PLEKHH3: variants seen among roughly 807,000 people sequenced by gnomAD.
PLEKHH3 encodes the protein pleckstrin homology, MyTH4 and FERM domain containing H3.
Under a neutral mutation model 77.8 loss-of-function variants are expected in PLEKHH3, and 57 were observed. That is an observed-to-expected ratio of 0.73 (90% CI 0.59 to 0.91). The LOEUF is 0.91. PLEKHH3 is among the 40% of genes least tolerant of loss of function. PLEKHH3 has a pLI of 0.00. For synonymous variants in PLEKHH3, 467 were observed against 504.8 expected (o/e 0.93, Z 1.00); for missense variants, 1,082 against 1,091.2 (o/e 0.99, Z 0.12).
intron 12 of PLEKHH3, chr17:42,669,222 C>CT (rs368522535): frequency 6.0e-4 from 275 of 461,584 alleles, no homozygotes; most frequent in African/African-American, 5.0e-3. Flanking sequence ...TCACTCTTTC[C>CT]TTTGTAGCAT....
At position 42,673,200 on chromosome 17, in the gene PLEKHH3, G is replaced by A. The variant is rs748035755; in HGVS notation, c.745C>T (p.Leu249=). The change falls in exon 6 of 13, where the codon CTG becomes TTG. Residue 249 remains leucine, a synonymous_variant. Transcript: ENST00000591022. ...SGALYAPLLP[L]PYGVSAPGPG... ...CCTGGGGCGCTGACTCCATAGGGCA[G>A]GGGCAGGAGTGGGGCATACAAGGCT... 4 of 1,545,860 alleles carry A rather than the reference G, an allele frequency of 2.6e-6. No homozygotes were observed. The highest frequency in any genetic ancestry group is 1.2e-5 in the South Asian group (1 of 81,428).
In PLEKHH3 at chr17:42,672,195, C is replaced by A; in HGVS notation, c.967G>T (p.Ala323Ser). The A allele has an allele frequency of 6.4e-7, 1 of 1,551,108 alleles. No homozygotes were observed. Among genetic ancestry groups the A allele is most frequent in the Non-Finnish European group, 8.7e-7 (1 of 1,147,068 alleles). ...SGPAGPPGLP[A>S]TQDPAALRYW... is the part of the protein sequence containing the mutation. ...CGCAGGGCCGCAGGGTCTTGGGTAG[C>A]CGGGAGCCCGGGGGGACCTGCAGGG... Residue 323 changes from alanine (A) to serine (S), a missense_variant, in exon 7 of 13, where the codon GCT (alanine) becomes TCT (serine). Physicochemically the swap from Ala to Ser is moderately conservative, Grantham distance 99. Coordinates refer to ENST00000591022, the MANE Select transcript of PLEKHH3 (RefSeq NM_024927.5).
chr17:42,670,185 A>T lies in PLEKHH3; in HGVS notation c.1746T>A (p.Pro582=). The part of the protein sequence containing the change: ...DPPRPTPRPP[P]SAALLAGALW... Reference sequence around the variant, plus strand: ...GCGCCCCGGCCAGCAGGGCAGCGGAAGGGGGCGGCCTGGGGGTCGGGCGGG... The same window carrying T: ...GCGCCCCGGCCAGCAGGGCAGCGGATGGGGGCGGCCTGGGGGTCGGGCGGG... Residue 582 remains proline, a synonymous_variant, in exon 11 of 13, where the codon CCT becomes CCA. Transcript: ENST00000591022. 1 of 1,166,826 alleles carries T rather than the reference A, an allele frequency of 8.6e-7. No homozygotes were observed. The highest frequency in any genetic ancestry group is 1.1e-6 in the Non-Finnish European group (1 of 950,424). 72.3% of individuals were successfully genotyped at this position (1,166,826 alleles called of 1,614,324 possible). A position where few individuals can be genotyped will look rare whatever the true frequency, so the allele number is the denominator to read the frequency against.
In PLEKHH3 at chr17:42,672,179, G is replaced by T. The variant is rs1389815857; in HGVS notation, c.983C>A (p.Ala328Glu). ...GAGGAGTTGCCAGTACCGCAGGGCC[G>T]CAGGGTCTTGGGTAGCCGGGAGCCC... ...PPGLPATQDP[A>E]ALRYWQLLTC... is the part of the protein sequence containing the mutation. Residue 328 changes from alanine (A) to glutamate (E), a missense_variant, in exon 7 of 13, where the codon GCG becomes GAG. Physicochemically the swap from Ala to Glu is moderately radical, Grantham distance 107. Coordinates refer to ENST00000591022, the MANE Select transcript of PLEKHH3 (RefSeq NM_024927.5). The T allele has an allele frequency of 1.3e-6, 2 of 1,550,558 alleles. No individual in the cohort carries two copies. The highest frequency in any genetic ancestry group is 2.4e-5 in the South Asian group (2 of 84,024).
chr17:42,671,107 C>A lies in PLEKHH3; in HGVS notation c.1308G>T (p.Arg436=). The change falls in exon 9 of 13, where the codon CGG becomes CGT. Residue 436 remains arginine, a synonymous_variant. Coordinates refer to ENST00000591022, the MANE Select transcript of PLEKHH3 (RefSeq NM_024927.5). This position sits in a 1 kb window ranked among gnomAD's most constrained non-coding sequence, Gnocchi z 4.7. ...AGEVARELVG[R]LGLARSRNAF... The stretch of plus-strand genomic sequence containing the variant: ...CGTTGCGGCTCCGGGCCAAGCCCAG[C>A]CGCCCCACCAGCTCTCGAGCCACCT... The A allele has an allele frequency of 6.3e-7, 1 of 1,593,182 alleles. No individual in the cohort carries two copies. The highest frequency in any genetic ancestry group is 8.6e-7 in the Non-Finnish European group (1 of 1,168,496).
Position 42,674,245 on chromosome 17 carries a change from G to A in PLEKHH3, c.218+109C>T, listed in dbSNP as rs2052772217. On this transcript the variant is annotated intron_variant, in intron 2 of 12. Coordinates refer to ENST00000591022, the MANE Select transcript of PLEKHH3 (RefSeq NM_024927.5). ...GGACCCCAGCCAAACCACAGCGTCC[G>A]GCATAGGGCCTCTCCCTTATTGCAC... 1.5e-5 allele frequency: 20 copies of A among 1,336,136 alleles called. No individual in the cohort carries two copies. In the South Asian group the frequency reaches 2.2e-4, roughly 15 times the overall value. The allele number at this position is 1,336,136 out of a possible 1,614,324, so 82.8% of individuals were successfully genotyped here. A position where few individuals can be genotyped will look rare whatever the true frequency, so the allele number is the denominator to read the frequency against.
intron 11 of PLEKHH3, 26 bp downstream of exon 11, chr17:42,669,892 G>A: frequency 1.2e-6 from 2 of 1,612,222 alleles, no homozygotes; most frequent in Non-Finnish European, 1.7e-6. Flanking sequence ...GGCCGCCAGA[G>A]TCCCCTTCTC....
Position 42,670,838 on chromosome 17 carries a change from C to T in PLEKHH3, c.1422-133G>A, listed in dbSNP as rs977177847. ...CCGACAGCGGAGGTGATGCTGCAGT[C>T]GGACTGCAAACCTGCGGCGGGCAGG... On this transcript the variant is annotated intron_variant, in intron 9 of 12. Transcript: ENST00000591022. 62 of 1,519,776 alleles carry T rather than the reference C, an allele frequency of 4.1e-5. No individual in the cohort carries two copies. In the Admixed American group the frequency reaches 5.3e-4, roughly 13 times the overall value. The allele number at this position is 1,519,776 out of a possible 1,614,324, so 94.1% of individuals were successfully genotyped here.
chr17:42,676,231 T>C lies in PLEKHH3; in HGVS notation c.162+171A>G. On this transcript the variant is annotated intron_variant, in intron 1 of 12. Coordinates refer to ENST00000591022, the MANE Select transcript of PLEKHH3 (RefSeq NM_024927.5). The surrounding 1 kb of genome is among the most constrained non-coding windows in gnomAD (Gnocchi z 6.6). ...GGGAGGCCCACAGGCACATCCCGAG[T>C]AGGGCTGCTGCTCCGAGAGCTCCCG... 7.2e-7 allele frequency: 1 copy of C among 1,388,440 alleles called. No homozygotes were observed. The allele number at this position is 1,388,440 out of a possible 1,614,324, so 86.0% of individuals were successfully genotyped here. A position where few individuals can be genotyped will look rare whatever the true frequency, so the allele number is the denominator to read the frequency against.
At chr17:42,675,444 C>A (rs895893526) in intron 1 of PLEKHH3, among the ~76,000 whole-genome samples, 3 of 152,184 alleles carry the variant, frequency 2.0e-5, no homozygotes, top group Non-Finnish European at 4.4e-5. Flanking sequence ...GTCAGCCACA[C>A]CACATGTGGC....
At position 42,669,358 on chromosome 17, in the gene PLEKHH3, T is replaced by C. The variant is rs113590579; in HGVS notation, c.2205+72A>G. The C allele has an allele frequency of 4.9e-6, 7 of 1,421,160 alleles. No individual in the cohort carries two copies. The Admixed American group carries it at 1.7e-4, about 34-fold the overall frequency. The allele number at this position is 1,421,160 out of a possible 1,614,324, so 88.0% of individuals were successfully genotyped here. The stretch of plus-strand genomic sequence containing the variant: ...GCTTAGAGCTCTACCTGGCCCAGGT[T>C]TGGTGTTCTGTAAATGCTTCCTGAC... On this transcript the variant is annotated intron_variant, in intron 12 of 12. Coordinates refer to ENST00000591022, the MANE Select transcript of PLEKHH3 (RefSeq NM_024927.5).
Position 42,671,948 on chromosome 17 carries a change from G to T in PLEKHH3, c.1076+138C>A. On this transcript the variant is annotated intron_variant, in intron 7 of 12. Transcript: ENST00000591022. The surrounding 1 kb of genome is among the most constrained non-coding windows in gnomAD (Gnocchi z 4.7). ...AATTCATCCGCTCACAACTGCGATAGGATCTTGTATCTCCCACAAAGGCAC... is the reference window on the plus strand; with the variant it reads ...AATTCATCCGCTCACAACTGCGATATGATCTTGTATCTCCCACAAAGGCAC... The T allele has an allele frequency of 1.3e-6, 1 of 741,834 alleles. No homozygotes were observed. The highest frequency in any genetic ancestry group is 2.1e-6 in the Non-Finnish European group (1 of 476,010). 46.0% of individuals were successfully genotyped at this position (741,834 alleles called of 1,614,324 possible).
At chr17:42,670,428 G>T in intron 10 of PLEKHH3, 52 bp from the exon 11 acceptor site, 1 of 1,462,990 alleles carries the variant, frequency 6.8e-7, no homozygotes, top group Non-Finnish European at 9.0e-7. Context: ...GAACCGTCGC[G>T]AAAACGCCTC....
chr17:42,670,714 G>A lies in PLEKHH3; in HGVS notation c.1422-9C>T. On this transcript the variant is annotated splice_polypyrimidine_tract_variant and intron_variant, in intron 9 of 12. Coordinates refer to ENST00000591022, the MANE Select transcript of PLEKHH3 (RefSeq NM_024927.5). ...CTTCCTCCGCGGCCAAGCTGCAGAA[G>A]AGGAGCGGACGAAGCGCTAGGGAGA... 1 of 1,611,164 alleles carries A rather than the reference G, an allele frequency of 6.2e-7. No homozygotes were observed. Among genetic ancestry groups the A allele is most frequent in the Non-Finnish European group, 8.5e-7 (1 of 1,178,576 alleles).
chr17:42,671,233 C>G lies in PLEKHH3; in HGVS notation c.1285-103G>C. ...TCTCTTAGTCCTGTCACCACCACTC[C>G]CTCCCTTACCAAAATAATCTAGACT... On this transcript the variant is annotated intron_variant, in intron 8 of 12. Coordinates refer to ENST00000591022, the MANE Select transcript of PLEKHH3 (RefSeq NM_024927.5). This position sits in a 1 kb window ranked among gnomAD's most constrained non-coding sequence, Gnocchi z 4.7. 7 of 1,521,704 alleles carry G rather than the reference C, an allele frequency of 4.6e-6. No homozygotes were observed. The highest frequency in any genetic ancestry group is 6.2e-6 in the Non-Finnish European group (7 of 1,126,812). The allele number at this position is 1,521,704 out of a possible 1,614,324, so 94.3% of individuals were successfully genotyped here.
rs1031590234 is a variant in PLEKHH3 at position 42,672,226 on chromosome 17, G to A, written c.936C>T (p.Thr312=). ...DELFLQLAKQ[T]SGPAGPPGLP... ...GCCCGGGGGGACCTGCAGGGCCCGA[G>A]GTCTGCTTAGCCAGCTGCAGGAAGA... The change falls in exon 7 of 13, where the codon ACC becomes ACT. Residue 312 remains threonine, a synonymous_variant. Coordinates refer to ENST00000591022, the MANE Select transcript of PLEKHH3 (RefSeq NM_024927.5). 6.4e-6 allele frequency: 10 copies of A among 1,551,154 alleles called. No individual in the cohort carries two copies. Among genetic ancestry groups the A allele is most frequent in the Non-Finnish European group, 7.8e-6 (9 of 1,147,086 alleles).
intron 1 of PLEKHH3, chr17:42,675,954 C>T (rs912147916): frequency 4.8e-6 from 5 of 1,037,422 alleles, no homozygotes; most frequent in Non-Finnish European, 5.8e-6. Context: ...TGACTTCTCC[C>T]CCTCGTCCAG....
intron 12 of PLEKHH3, 99 bp downstream of exon 12, chr17:42,669,331 G>T: frequency 8.0e-7 from 1 of 1,244,588 alleles, no homozygotes; most frequent in Non-Finnish European, 1.1e-6. Flanking sequence ...TGGATCCCCA[G>T]TGCTTAGAGC....
At chr17:42,669,403 C>T (rs1417078693) in intron 12 of PLEKHH3, 27 bp downstream of exon 12, 12 of 1,498,984 alleles carry the variant, frequency 8.0e-6, no homozygotes, top group Non-Finnish European at 1.1e-5. Flanking sequence ...CTTCTCTCCT[C>T]CTCCCACAAC....
Sources: gnomAD v4.1 joint callset for allele counts (sites outside exome capture counted in the v4.1 genomes callset) on GRCh38, gnomAD v4.1.1 for gene constraint, Gnocchi (gnomAD v3.1) non-coding constraint, MANE v1.5 for transcripts, NCBI Gene and HGNC (gene_info 2026-07-23, HGNC 2026-07-21) for gene names.